The following FAM20B variants were observed in gnomAD, a reference collection of about 807,000 sequenced individuals.
FAM20B encodes the protein glycosaminoglycan xylosylkinase.
In FAM20B, 23 loss-of-function variants were observed where a neutral mutation model predicts 43.8. The ratio of observed to expected loss-of-function variants is 0.53; its 90% confidence interval spans 0.38 to 0.74. The LOEUF (loss-of-function observed/expected upper bound fraction) is 0.74, where lower values mean the gene tolerates loss of function less well. FAM20B is among the 30% of genes least tolerant of loss of function. FAM20B has a pLI of 0.00. For synonymous variants in FAM20B, 178 were observed against 192.4 expected, an observed-to-expected ratio of 0.93 and a Z score of 0.62; for missense variants, 440 against 510.5, an observed-to-expected ratio of 0.86 and a Z score of 1.33.
intron 4 of FAM20B, among the ~76,000 whole-genome samples, chr1:179,058,816 T>C (rs1045665136): frequency 6.6e-6 from 1 of 152,172 alleles, no homozygotes; most frequent in Non-Finnish European, 1.5e-5. Context: ...ATTTAAGGGC[T>C]ATTCAAGAGT....
chr1:179,026,261 C>T (rs1466741122), intron 1 of FAM20B, among the ~76,000 whole-genome samples, 163 bp downstream of exon 1: 3 of 151,202 alleles, frequency 2.0e-5, no homozygotes. Flanking sequence ...ACCGGGTGCC[C>T]TGAGCCGTCC....
At chr1:179,026,681 G>A (rs1649800566) in intron 1 of FAM20B, among the ~76,000 whole-genome samples, 1 of 152,214 alleles carries the variant, frequency 6.6e-6, no homozygotes, top group African/African-American at 2.4e-5. Context: ...GGCGCTCGCA[G>A]AAGGGCACAA....
chr1:179,052,890 C>T (rs1474644929), intron 3 of FAM20B, among the ~76,000 whole-genome samples: 1 of 152,164 alleles, frequency 6.6e-6, no homozygotes, highest in Non-Finnish European at 1.5e-5. Flanking sequence ...CATAAAGTTC[C>T]TCATTTCTGT....
intron 4 of FAM20B, among the ~76,000 whole-genome samples, chr1:179,055,317 C>T (rs1336319239): frequency 6.6e-6 from 1 of 152,188 alleles, no homozygotes; most frequent in East Asian, 1.9e-4. Flanking sequence ...ACCTCTTCAC[C>T]TTGACTCTTT....
At position 179,054,108 on chromosome 1, in the gene FAM20B, CT is replaced by C. The variant is rs533407615; in HGVS notation, c.465-409del. On this transcript the variant is annotated intron_variant, in intron 3 of 7. Transcript: ENST00000263733. ...GGGCTTAGCCTTTTAGATCAGTCTGCTTTTTTTTTTTTAACCAACATGCTGT... is the reference window on the plus strand; with the variant it reads ...GGGCTTAGCCTTTTAGATCAGTCTGCTTTTTTTTTTTAACCAACATGCTGT... Among the ~76,000 whole-genome samples, 581 of 138,112 alleles carry C rather than the reference CT, an allele frequency of 4.2e-3. 2 individuals are homozygous for C. The highest frequency in any genetic ancestry group is 9.2e-3 in the African/African-American group (352 of 38,156). 90.6% of individuals were successfully genotyped at this position (138,112 alleles called of 152,430 possible).
rs143364209 is a variant in FAM20B, at chr1:179,053,798, C to T, written c.465-731C>T. On this transcript the variant is annotated intron_variant, in intron 3 of 7. Coordinates refer to ENST00000263733, the MANE Select transcript of FAM20B (RefSeq NM_014864.4). ...ATATAATCTCGATTGTATGTATATA[C>T]GTAAGTGTGAGTGTGTGTTTATATA... Among the ~76,000 whole-genome samples, 11 of 152,164 alleles carry T rather than the reference C, an allele frequency of 7.2e-5. No homozygotes were observed. In the East Asian group the frequency reaches 1.9e-3, roughly 27 times the overall value.
chr1:179,050,761 T>C (rs141955464), intron 3 of FAM20B, among the ~76,000 whole-genome samples: 36 of 152,336 alleles, frequency 2.4e-4, no homozygotes, highest in African/African-American at 8.2e-4. Flanking sequence ...TGGAAACATA[T>C]AGCATGAAAT....
chr1:179,060,738 A>G (rs890387794), intron 4 of FAM20B, among the ~76,000 whole-genome samples: 1 of 152,238 alleles, frequency 6.6e-6, no homozygotes, highest in African/African-American at 2.4e-5. Flanking sequence ...AAGTATTTCT[A>G]GAAATGGGAG....
chr1:179,035,763 A>G (rs956013507), intron 1 of FAM20B: 1 of 285,328 alleles, frequency 3.5e-6, no homozygotes, highest in Non-Finnish European at 6.8e-6. Context: ...TCATAGTCTT[A>G]CGTTTGCCCT....
chr1:179,041,682 G>GAGAGGA (rs1176204434), intron 1 of FAM20B, among the ~76,000 whole-genome samples: 1 of 151,198 alleles, frequency 6.6e-6, no homozygotes, highest in African/African-American at 2.4e-5. Context: ...GAGGGAGAGG[G>GAGAGGA]AGAGGGAGAC....
At chr1:179,020,712 G>A in the FAM20B span, among the ~76,000 whole-genome samples, 1 of 152,168 alleles carries the variant, frequency 6.6e-6, no homozygotes, top group Non-Finnish European at 1.5e-5. Context: ...ACCCTTGCTA[G>A]GACCTCACCA....
intron 7 of FAM20B, among the ~76,000 whole-genome samples, chr1:179,071,511 C>T (rs10798650): frequency 0.71 from 107,219 of 152,026 alleles, 39,005 homozygotes; most frequent in African/African-American, 0.88. Context: ...CCTCCAACCT[C>T]TTCCCCCCAC....
chr1:179,029,311 A>G (rs182170535), intron 1 of FAM20B, among the ~76,000 whole-genome samples: 1 of 152,338 alleles, frequency 6.6e-6, no homozygotes, highest in Admixed American at 6.5e-5. Flanking sequence ...GTACTAATGA[A>G]TTCTTTAACA....
chr1:179,057,542 G>A (rs1651276786), intron 4 of FAM20B, among the ~76,000 whole-genome samples: 2 of 152,062 alleles, frequency 1.3e-5, no homozygotes, highest in Admixed American at 6.5e-5. Context: ...AAGTAGGTGA[G>A]GTGTTACCCA....
At chr1:179,037,873 T>C (rs1650315184) in intron 1 of FAM20B, among the ~76,000 whole-genome samples, 1 of 152,152 alleles carries the variant, frequency 6.6e-6, no homozygotes, top group Non-Finnish European at 1.5e-5. Flanking sequence ...CTGAGGCCGC[T>C]TCAAAAGGAG....
upstream of FAM20B, among the ~76,000 whole-genome samples, chr1:179,023,735 C>T (rs1236503415): frequency 6.6e-6 from 1 of 152,204 alleles, no homozygotes; most frequent in Non-Finnish European, 1.5e-5. Flanking sequence ...CTTCTCCTAC[C>T]TGTATTTTGC....
chr1:179,042,219 C>T (rs939972962), intron 1 of FAM20B, among the ~76,000 whole-genome samples: 2 of 152,222 alleles, frequency 1.3e-5, no homozygotes, highest in Non-Finnish European at 1.5e-5. Context: ...CTGCCAAGGG[C>T]AAGCCAGGTG....
At chr1:179,027,826 A>G (rs1018090705) in intron 1 of FAM20B, among the ~76,000 whole-genome samples, 19 of 152,342 alleles carry the variant, frequency 1.2e-4, no homozygotes, top group African/African-American at 4.6e-4. Context: ...TAGAAAACAC[A>G]TACACTGCTT....
In FAM20B at chr1:179,054,656, G is replaced by A; in HGVS notation, c.574+18G>A. The A allele has an allele frequency of 6.8e-7, 1 of 1,464,764 alleles. No homozygotes were observed. Among genetic ancestry groups the A allele is most frequent in the South Asian group, 1.1e-5 (1 of 87,094 alleles). The allele number at this position is 1,464,764 out of a possible 1,614,324, so 90.7% of individuals were successfully genotyped here. A position where few individuals can be genotyped will look rare whatever the true frequency, so the allele number is the denominator to read the frequency against. ...AACTGTAGGTAAGAAGATTGTAGAG[G>A]ACATTTATATAGGGGAATGATTAAT... On this transcript the variant is annotated intron_variant, in intron 4 of 7. Coordinates refer to ENST00000263733, the MANE Select transcript of FAM20B (RefSeq NM_014864.4).
Sources: allele counts gnomAD v4.1 joint callset (sites outside exome capture counted in the v4.1 genomes callset), GRCh38; gene constraint gnomAD v4.1.1; transcripts MANE v1.5; gene names NCBI Gene and HGNC (gene_info 2026-07-23, HGNC 2026-07-21).